BTC: variants seen among roughly 807,000 people sequenced by gnomAD.
BTC encodes probetacellulin.
A neutral mutation model predicts 18.1 loss-of-function variants in BTC; 13 were observed. The ratio of observed to expected loss-of-function variants is 0.72; its 90% CI spans 0.47 to 1.14. BTC has a LOEUF of 1.14. Ranked by LOEUF, BTC falls within the 50% of genes most tolerant of loss-of-function variation. The probability of loss-of-function intolerance (pLI) is 0.00; values close to 1 mark genes in which losing one functional copy is unlikely to be tolerated. For synonymous variants in BTC, 83 were observed against 79.4 expected (o/e 1.05, Z -0.24); for missense variants, 247 against 224.2 (o/e 1.10, Z -0.65).
At chr4:74,761,987 T>A (rs201284890) in intron 2 of BTC, among the ~76,000 whole-genome samples, 1 of 152,198 alleles carries the variant, frequency 6.6e-6, no homozygotes, top group Non-Finnish European at 1.5e-5. Context: ...ATTTGACCAC[T>A]GTTCATTTTT....
At chr4:74,791,882 T>C (rs984798253) in intron 1 of BTC, among the ~76,000 whole-genome samples, 1 of 151,870 alleles carries the variant, frequency 6.6e-6, no homozygotes, top group African/African-American at 2.4e-5. Flanking sequence ...AGTTGTAACT[T>C]ACAGACATCT....
chr4:74,769,341 C>G lies in BTC; in HGVS notation c.163+717G>C, dbSNP rs541300339. On this transcript the variant is annotated intron_variant, in intron 2 of 5. Transcript: ENST00000395743. ...TAACCTTAGACCAGGGGTCAGCAAA[C>G]TGTAGTCCAAGGATCAGATCTGGCC... 1.2e-4 allele frequency among the ~76,000 whole-genome samples: 18 copies of G among 152,292 alleles called. No individual in the cohort carries two copies. The South Asian group carries it at 3.7e-3, about 32-fold the overall frequency.
At chr4:74,772,664 A>C (rs1335419308) in intron 1 of BTC, among the ~76,000 whole-genome samples, 1 of 152,084 alleles carries the variant, frequency 6.6e-6, no homozygotes, top group Non-Finnish European at 1.5e-5. Context: ...AAAAAAAAAA[A>C]AAAACTCTAA....
chr4:74,758,112 T>C (rs1724651942), intron 2 of BTC, among the ~76,000 whole-genome samples: 1 of 152,112 alleles, frequency 6.6e-6, no homozygotes, highest in African/African-American at 2.4e-5. Context: ...TTATGGAGAA[T>C]GTCAAGAGCA....
At chr4:74,766,990 G>T (rs1449982125) in intron 2 of BTC, among the ~76,000 whole-genome samples, 1 of 151,980 alleles carries the variant, frequency 6.6e-6, no homozygotes, top group Non-Finnish European at 1.5e-5. Context: ...AAATTAGAAA[G>T]CTTTTCCTCC....
chr4:74,784,463 T>C (rs747602648), intron 1 of BTC, among the ~76,000 whole-genome samples: 1 of 152,110 alleles, frequency 6.6e-6, no homozygotes, highest in Non-Finnish European at 1.5e-5. Flanking sequence ...AATACTATGT[T>C]GAGTAGGAGT....
intron 1 of BTC, among the ~76,000 whole-genome samples, chr4:74,793,906 G>C (rs1417012846): frequency 7.0e-6 from 1 of 142,818 alleles, no homozygotes; most frequent in Non-Finnish European, 1.5e-5. Context: ...CCTCACTTGC[G>C]AGCACAGCGC....
intron 1 of BTC, among the ~76,000 whole-genome samples, chr4:74,789,243 C>T (rs1401315576): frequency 5.3e-5 from 8 of 152,182 alleles, no homozygotes; most frequent in Admixed American, 2.0e-4. Context: ...AATTCCTGCC[C>T]TATTTTCCTT....
intron 1 of BTC, among the ~76,000 whole-genome samples, chr4:74,787,693 T>C (rs1479960040): frequency 6.6e-6 from 1 of 152,172 alleles, no homozygotes; most frequent in African/African-American, 2.4e-5. Flanking sequence ...TGAAAGCACA[T>C]ATGGAGTCAA....
At chr4:74,758,754 T>C (rs1484877837) in intron 2 of BTC, among the ~76,000 whole-genome samples, 2 of 152,188 alleles carry the variant, frequency 1.3e-5, no homozygotes, top group Non-Finnish European at 2.9e-5. Context: ...AAGGAAATAT[T>C]TGCCAGGTCC....
chr4:74,764,142 C>G (rs781932158), intron 2 of BTC, among the ~76,000 whole-genome samples: 2 of 152,078 alleles, frequency 1.3e-5, no homozygotes, highest in Admixed American at 1.3e-4. Context: ...AAAATAACTA[C>G]TTCCTCAGTG....
Position 74,770,093 on chromosome 4 carries a change from C to A in BTC, c.128G>T (p.Gly43Val). 6.2e-7 allele frequency: 1 copy of A among 1,613,108 alleles called. No homozygotes were observed. Among genetic ancestry groups the A allele is most frequent in the Non-Finnish European group, 8.5e-7 (1 of 1,179,470 alleles). Residue 43 changes from glycine (G) to valine (V), a missense_variant, in exon 2 of 6, where the codon GGC becomes GTC. Coordinates refer to ENST00000395743, the MANE Select transcript of BTC (RefSeq NM_001729.4). ...GNSTRSPETN[G>V]LLCGDPEENC... ...TTCCTCAGGGTCTCCACAGAGGAGG[C>A]CATTAGTTTCAGGACTTCTGGTGGA...
intron 2 of BTC, among the ~76,000 whole-genome samples, chr4:74,762,720 G>A (rs1210527043): frequency 6.6e-6 from 1 of 152,064 alleles, no homozygotes; most frequent in East Asian, 1.9e-4. Flanking sequence ...ATCTACCTTA[G>A]ATACTGAGAG....
At chr4:74,785,855 T>C (rs909923859) in intron 1 of BTC, among the ~76,000 whole-genome samples, 5 of 152,142 alleles carry the variant, frequency 3.3e-5, no homozygotes, top group African/African-American at 1.2e-4. Context: ...TATCCTACTC[T>C]ATAAATGGGA....
chr4:74,753,367 ATGC>A (rs1415313041), intron 3 of BTC, among the ~76,000 whole-genome samples: 2 of 152,176 alleles, frequency 1.3e-5, no homozygotes, highest in Admixed American at 1.3e-4. Flanking sequence ...GAAGAAACTG[ATGC>A]ACAGAGAAGT....
At chr4:74,789,982 T>A (rs1264673216) in intron 1 of BTC, among the ~76,000 whole-genome samples, 1 of 152,022 alleles carries the variant, frequency 6.6e-6, no homozygotes, top group African/African-American at 2.4e-5. Context: ...GTAGAGGCAT[T>A]TATTTTTTCA....
At chr4:74,768,492 T>A (rs533622523) in intron 2 of BTC, among the ~76,000 whole-genome samples, 3 of 152,248 alleles carry the variant, frequency 2.0e-5, no homozygotes, top group African/African-American at 7.2e-5. Context: ...CTAAGTGAAA[T>A]AAGACAGTCA....
intron 2 of BTC, among the ~76,000 whole-genome samples, chr4:74,759,521 C>T (rs1724693966): frequency 1.3e-5 from 2 of 152,092 alleles, no homozygotes; most frequent in Admixed American, 1.3e-4. Context: ...ATACCAATTT[C>T]TTCACAGGAC....
At chr4:74,758,192 G>T (rs1269204327) in intron 2 of BTC, among the ~76,000 whole-genome samples, 1 of 152,186 alleles carries the variant, frequency 6.6e-6, no homozygotes, top group Non-Finnish European at 1.5e-5. Flanking sequence ...GAATGGAAGG[G>T]TCCTGAAGGG....
Sources: allele counts gnomAD v4.1 joint callset (sites outside exome capture counted in the v4.1 genomes callset), GRCh38; gene constraint gnomAD v4.1.1; transcripts MANE v1.5; gene names NCBI Gene and HGNC (gene_info 2026-07-23, HGNC 2026-07-21).